COL6A5: variants seen among roughly 807,000 people sequenced by gnomAD.
COL6A5 encodes collagen alpha-5(VI) chain.
COL6A5 carries 48 observed loss-of-function variants against 65.6 expected under a neutral mutation model. The observed-to-expected ratio is 0.73, with a 90% CI of 0.58 to 0.93. The LOEUF is 0.93. Among genes scored for constraint, COL6A5 ranks in the 40% least tolerant of loss-of-function variants. The pLI is 0.00. For synonymous variants in COL6A5, 291 were observed against 322.8 expected, an observed-to-expected ratio of 0.90 and a Z score of 1.05; for missense variants, 914 against 928.3, an observed-to-expected ratio of 0.98 and a Z score of 0.20.
chr3:130,420,491 C>A (rs1937494011), intron 25 of COL6A5, among the ~76,000 whole-genome samples: 1 of 152,114 alleles, frequency 6.6e-6, no homozygotes, highest in Non-Finnish European at 1.5e-5. Flanking sequence ...AATGAACATT[C>A]ATGTACCTAA....
chr3:130,378,640 G>A (rs1217614054), intron 3 of COL6A5, among the ~76,000 whole-genome samples: 1 of 151,980 alleles, frequency 6.6e-6, no homozygotes, highest in Admixed American at 6.6e-5. Context: ...CTCACTCATG[G>A]GCTCCAACTA....
At chr3:130,366,845 C>T (rs1294807762) in intron 1 of COL6A5, among the ~76,000 whole-genome samples, 2 of 152,182 alleles carry the variant, frequency 1.3e-5, no homozygotes, top group African/African-American at 4.8e-5. Flanking sequence ...TATGATGGAG[C>T]CTGCAGTGAC....
chr3:130,457,522 C>T (rs1173010871), intron 5 of COL6A5, among the ~76,000 whole-genome samples: 1 of 151,882 alleles, frequency 6.6e-6, no homozygotes, highest in East Asian at 1.9e-4. Flanking sequence ...AATAATTGTT[C>T]ATAGCTCTAG....
At chr3:130,479,132 G>T (rs1366387919) in intron 7 of COL6A5, among the ~76,000 whole-genome samples, 2 of 151,994 alleles carry the variant, frequency 1.3e-5, no homozygotes, top group African/African-American at 4.8e-5. Context: ...TGATTAAGTC[G>T]TGGGGGTGGA....
intron 4 of COL6A5, among the ~76,000 whole-genome samples, chr3:130,381,775 T>C (rs1205034768): frequency 2.0e-5 from 3 of 152,110 alleles, no homozygotes; most frequent in African/African-American, 7.2e-5. Flanking sequence ...AAGGCTAATT[T>C]TGAACTCAGA....
At chr3:130,389,048 A>T (rs1051009335) in exon 6 of COL6A5, 3 of 1,498,452 alleles carry the variant, frequency 2.0e-6, no homozygotes, top group Admixed American at 2.5e-5. Flanking sequence ...ATCAGTGGGG[A>T]TAGCAGCCTA....
At chr3:130,401,080 G>A in exon 11 of COL6A5, 5 of 1,551,240 alleles carry the variant, frequency 3.2e-6, no homozygotes, top group Non-Finnish European at 4.4e-6. Flanking sequence ...CTCATCATGA[G>A]TTTTCTAGCT....
chr3:130,441,687 G>A (rs538664973), intron 3 of COL6A5, among the ~76,000 whole-genome samples: 2 of 152,216 alleles, frequency 1.3e-5, no homozygotes, highest in South Asian at 4.1e-4. Flanking sequence ...GGAAATGCCT[G>A]GAGGCATTAT....
In COL6A5 at chr3:130,368,595, A is replaced by C. The variant is rs190627893; in HGVS notation, c.-28-5016A>C. On this transcript the variant is annotated intron_variant and NMD_transcript_variant, in intron 1 of 41. Transcript: ENST00000312481. ...GGTAAGGAGGAGAAGTGGGGGATTA[A>C]GAAAGTCTTTCAGTAACTTCAGTAC... Among the ~76,000 whole-genome samples the C allele has an allele frequency of 1.6e-3, 241 of 152,056 alleles. 1 individual carries two copies. Among genetic ancestry groups the C allele is most frequent in the African/African-American group, 5.4e-3 (225 of 41,494 alleles).
chr3:130,409,307 T>G lies in COL6A5; in HGVS notation c.4480-19T>G. On this transcript the variant is annotated intron_variant and NMD_transcript_variant, in intron 17 of 41. Transcript: ENST00000312481. ...AGCCTCCTACAAGCTAACTCAGAAA[T>G]TCATTTCATTTTTTTCAGGGCAGCC... 6.5e-7 allele frequency: 1 copy of G among 1,532,726 alleles called. No homozygotes were observed. Among genetic ancestry groups the G allele is most frequent in the Non-Finnish European group, 8.8e-7 (1 of 1,139,628 alleles). 94.9% of individuals were successfully genotyped at this position (1,532,726 alleles called of 1,614,324 possible). A position where few individuals can be genotyped will look rare whatever the true frequency, so the allele number is the denominator to read the frequency against.
At chr3:130,428,323 A>G (rs977139380), upstream of COL6A5, among the ~76,000 whole-genome samples, 5 of 152,120 alleles carry the variant, frequency 3.3e-5, no homozygotes, top group Non-Finnish European at 5.9e-5. Context: ...TTCTCATCTA[A>G]CATCATTTGC....
chr3:130,439,561 C>G, exon 2 of COL6A5: 1 of 1,551,246 alleles, frequency 6.4e-7, no homozygotes, highest in South Asian at 1.2e-5. Context: ...TCCAGTTCCT[C>G]CAAATGGGGA....
chr3:130,386,051 T>C (rs553183822), intron 5 of COL6A5, among the ~76,000 whole-genome samples: 1 of 152,222 alleles, frequency 6.6e-6, no homozygotes, highest in African/African-American at 2.4e-5. Context: ...TGTTTTTTTA[T>C]TTCTATTATT....
intron 5 of COL6A5, among the ~76,000 whole-genome samples, chr3:130,463,558 G>A (rs1709748397): frequency 6.6e-6 from 1 of 152,022 alleles, no homozygotes; most frequent in Non-Finnish European, 1.5e-5. Context: ...CTCTGGGGGT[G>A]CTTCCCTGGA....
chr3:130,441,163 TACTTGCTATACCTGTTTTATTTCCA>T (rs1281393606), intron 3 of COL6A5, among the ~76,000 whole-genome samples: 1 of 152,178 alleles, frequency 6.6e-6, no homozygotes, highest in African/African-American at 2.4e-5. Flanking sequence ...GTAAAAGTTT[TACTTGCTATACCTGTTTTATTTCCA>T]ACTTTGGCAC....
At chr3:130,460,787 T>C (rs1318673023) in intron 5 of COL6A5, among the ~76,000 whole-genome samples, 2 of 151,178 alleles carry the variant, frequency 1.3e-5, no homozygotes, top group Non-Finnish European at 3.0e-5. Context: ...GTGATGGAGA[T>C]AAAAGTATGA....
At chr3:130,400,547 T>C (rs1244605924) in intron 10 of COL6A5, among the ~76,000 whole-genome samples, 2 of 151,676 alleles carry the variant, frequency 1.3e-5, no homozygotes, top group Admixed American at 6.5e-5. Flanking sequence ...GCTGAGACAA[T>C]TGCCCTGGGC....
intron 7 of COL6A5, 70 bp from the exon 40 acceptor site, chr3:130,471,612 T>C (rs1709953815): frequency 1.5e-6 from 2 of 1,339,024 alleles, no homozygotes; most frequent in African/African-American, 2.9e-5. Flanking sequence ...TATTATCTGG[T>C]GGTATTCACA....
intron 1 of COL6A5, 73 bp from the exon 34 acceptor site, chr3:130,439,449 A>AG: frequency 2.7e-6 from 3 of 1,109,870 alleles, no homozygotes; most frequent in Non-Finnish European, 2.6e-6. Flanking sequence ...TTTTTAAACT[A>AG]ATCCTTAAAG....
Sources: gnomAD v4.1 joint callset for allele counts (sites outside exome capture counted in the v4.1 genomes callset) on GRCh38, gnomAD v4.1.1 for gene constraint, MANE v1.5 for transcripts, NCBI Gene and HGNC (gene_info 2026-07-23, HGNC 2026-07-21) for gene names.